The following PRELID2 variants were observed in gnomAD, a reference collection of about 807,000 sequenced individuals.
PRELID2 encodes the protein PRELI domain containing 2, also known as PRELI domain-containing protein 2.
In PRELID2, 25 loss-of-function variants were observed where a neutral mutation model predicts 28.4. The ratio of observed to expected loss-of-function variants is 0.88; its 90% CI spans 0.64 to 1.23. The LOEUF (loss-of-function observed/expected upper bound fraction) is 1.23. PRELID2 is among the 50% of genes most tolerant of loss of function. PRELID2 has a pLI of 0.00. For synonymous variants in PRELID2, 76 were observed against 71.6 expected (o/e 1.06, Z -0.31); for missense variants, 201 against 214.4 (o/e 0.94, Z 0.39).
At chr5:145,301,187 C>T in the PRELID2 span, among the ~76,000 whole-genome samples, 1 of 152,022 alleles carries the variant, frequency 6.6e-6, no homozygotes, top group Non-Finnish European at 1.5e-5. Context: ...TGTAATTACC[C>T]TGACTATAAA....
intron 5 of PRELID2, 117 bp downstream of exon 5, chr5:145,796,325 G>C (rs185554544): frequency 2.2e-5 from 12 of 533,580 alleles, no homozygotes; most frequent in Non-Finnish European, 3.9e-5. Context: ...GCATATATTT[G>C]TTTATTAACT....
At chr5:145,251,764 C>T in the PRELID2 span, among the ~76,000 whole-genome samples, 1 of 152,072 alleles carries the variant, frequency 6.6e-6, no homozygotes, top group Non-Finnish European at 1.5e-5. Context: ...ACAACCTTGC[C>T]TCTTCCCCAG....
chr5:145,436,015 A>G, the PRELID2 span, among the ~76,000 whole-genome samples: 3 of 152,104 alleles, frequency 2.0e-5, no homozygotes, highest in Admixed American at 2.0e-4. Flanking sequence ...ACAGGGGTTT[A>G]GTGTACAGAT....
the PRELID2 span, among the ~76,000 whole-genome samples, chr5:145,393,721 C>T: frequency 6.6e-6 from 1 of 152,166 alleles, no homozygotes. Flanking sequence ...ATTTACACAT[C>T]AAGTTAGGTT....
chr5:145,453,850 A>G, the PRELID2 span, among the ~76,000 whole-genome samples: 1 of 152,188 alleles, frequency 6.6e-6, no homozygotes, highest in Non-Finnish European at 1.5e-5. Context: ...CATTTTCTTT[A>G]TTCCAGTCTA....
chr5:145,728,511 T>G, intron 1 of PRELID2: 1 of 713,206 alleles, frequency 1.4e-6, no homozygotes, highest in Non-Finnish European at 2.6e-6. Context: ...AAACCAGAGT[T>G]TGGTCCTTGC....
chr5:145,717,281 A>G (rs1755869373), intron 1 of PRELID2, among the ~76,000 whole-genome samples: 1 of 152,066 alleles, frequency 6.6e-6, no homozygotes, highest in Non-Finnish European at 1.5e-5. Context: ...ATGGAGAGTG[A>G]CTACTAACAG....
At chr5:145,443,681 T>G in the PRELID2 span, among the ~76,000 whole-genome samples, 1 of 152,078 alleles carries the variant, frequency 6.6e-6, no homozygotes, top group African/African-American at 2.4e-5. Context: ...TCCAAAGTGC[T>G]TGAAAACAAA....
intron 1 of PRELID2, among the ~76,000 whole-genome samples, chr5:145,497,666 G>A (rs1752320652): frequency 6.6e-6 from 1 of 152,134 alleles, no homozygotes; most frequent in South Asian, 2.1e-4. Flanking sequence ...AGTTGCCTGT[G>A]CTCACTCAAG....
At chr5:145,730,816 C>T (rs1259830385) in intron 1 of PRELID2, among the ~76,000 whole-genome samples, 5 of 152,168 alleles carry the variant, frequency 3.3e-5, no homozygotes, top group Non-Finnish European at 4.4e-5. Context: ...GACAGGCTAG[C>T]CCTAAGATAA....
the PRELID2 span, among the ~76,000 whole-genome samples, chr5:145,397,809 GA>G: frequency 6.6e-6 from 1 of 152,140 alleles, no homozygotes; most frequent in African/African-American, 2.4e-5. Context: ...TCAGAGAAGC[GA>G]AAACTGAGTT....
the PRELID2 span, among the ~76,000 whole-genome samples, chr5:145,244,452 G>A: frequency 6.6e-6 from 1 of 151,986 alleles, no homozygotes; most frequent in Non-Finnish European, 1.5e-5. Context: ...TGGCATGGTG[G>A]CCTGAATTGA....
chr5:145,665,759 G>T (rs1374787213), intron 1 of PRELID2, among the ~76,000 whole-genome samples: 1 of 151,572 alleles, frequency 6.6e-6, no homozygotes, highest in African/African-American at 2.4e-5. Context: ...GTTCTTCTCT[G>T]AAGTGGCTTT....
At chr5:145,721,625 T>C (rs1306677484) in intron 1 of PRELID2, among the ~76,000 whole-genome samples, 2 of 152,180 alleles carry the variant, frequency 1.3e-5, no homozygotes, top group Non-Finnish European at 2.9e-5. Context: ...TAGTTAATTG[T>C]GGATTGGCTT....
At chr5:145,458,141 C>T in the PRELID2 span, among the ~76,000 whole-genome samples, 1 of 152,094 alleles carries the variant, frequency 6.6e-6, no homozygotes, top group African/African-American at 2.4e-5. Flanking sequence ...TACTTTGCTA[C>T]TTTGAAAATA....
chr5:145,647,182 G>C (rs1754211463), intron 1 of PRELID2, among the ~76,000 whole-genome samples: 1 of 152,198 alleles, frequency 6.6e-6, no homozygotes, highest in Admixed American at 6.5e-5. Flanking sequence ...AGTGCCGACT[G>C]GGGCTGCTGC....
At chr5:145,430,832 C>T in the PRELID2 span, among the ~76,000 whole-genome samples, 1 of 151,790 alleles carries the variant, frequency 6.6e-6, no homozygotes, top group Non-Finnish European at 1.5e-5. Flanking sequence ...AACAGGAAGC[C>T]TCTCATTTTC....
At chr5:145,654,982 CTG>C (rs1754368372) in intron 1 of PRELID2, among the ~76,000 whole-genome samples, 1 of 150,896 alleles carries the variant, frequency 6.6e-6, no homozygotes, top group African/African-American at 2.4e-5. Context: ...GATGACATGA[CTG>C]TATATGTAGA....
At chr5:145,590,116 C>T (rs1427112268) in intron 1 of PRELID2, among the ~76,000 whole-genome samples, 2 of 152,170 alleles carry the variant, frequency 1.3e-5, no homozygotes, top group Admixed American at 6.5e-5. Context: ...TTTCTCCCTA[C>T]ATTTAGAGCT....
Sources: allele counts gnomAD v4.1 joint callset (sites outside exome capture counted in the v4.1 genomes callset), GRCh38; gene constraint gnomAD v4.1.1; transcripts MANE v1.5; gene names NCBI Gene and HGNC (gene_info 2026-07-23, HGNC 2026-07-21).